Variants in ZNF277 observed in about 807,000 individuals in gnomAD.
ZNF277 encodes zinc finger protein 277, also known as nuclear receptor-interacting factor 4.
Under a neutral mutation model 60.7 loss-of-function variants are expected in ZNF277, and 55 were observed. The observed-to-expected ratio is 0.91, with a 90% CI of 0.73 to 1.13. ZNF277 has a LOEUF of 1.13. ZNF277 is among the 50% of genes most tolerant of loss of function. The pLI, the probability that ZNF277 is intolerant of heterozygous loss-of-function variation, is 0.00. For synonymous variants in ZNF277, 178 were observed against 179.3 expected (o/e 0.99, Z 0.06); for missense variants, 510 against 523.0 (o/e 0.98, Z 0.24).
At chr7:112,306,479 T>G (rs1792596531) in intron 4 of ZNF277, among the ~76,000 whole-genome samples, 2 of 152,094 alleles carry the variant, frequency 1.3e-5, no homozygotes, top group Non-Finnish European at 1.5e-5. Flanking sequence ...CCTCCCAAAG[T>G]GTTGGGATTA....
chr7:112,230,042 G>C (rs566207508), intron 1 of ZNF277, among the ~76,000 whole-genome samples: 189 of 152,238 alleles, frequency 1.2e-3, no homozygotes, highest in Non-Finnish European at 2.2e-3. Context: ...GGACCTTGTG[G>C]GCCATGCGAA....
chr7:112,228,536 T>C (rs1318544871), intron 1 of ZNF277, among the ~76,000 whole-genome samples: 1 of 140,138 alleles, frequency 7.1e-6, no homozygotes, highest in Non-Finnish European at 1.5e-5. Context: ...TTAGGCCTTA[T>C]ACATTGACCT....
At position 112,329,988 on chromosome 7, in the gene ZNF277, C is replaced by A. The variant is rs190933223; in HGVS notation, c.669-96C>A. ...TATCCCATTTGAAGATGCTGTGTAA[C>A]CTAAAATGAATAAATATGAAACTCA... On this transcript the variant is annotated intron_variant, in intron 6 of 11. Transcript: ENST00000361822. 425 of 1,387,462 alleles carry A rather than the reference C, an allele frequency of 3.1e-4. 2 individuals are homozygous for A. The African/African-American group carries it at 5.2e-3, about 17-fold the overall frequency. 85.9% of individuals were successfully genotyped at this position (1,387,462 alleles called of 1,614,324 possible).
intron 1 of ZNF277, among the ~76,000 whole-genome samples, chr7:112,212,381 G>A (rs1158956232): frequency 2.0e-5 from 3 of 152,094 alleles, no homozygotes; most frequent in East Asian, 1.9e-4. Flanking sequence ...TTGACAAAAC[G>A]GTATTTAAAT....
At chr7:112,306,602 T>C (rs1228367420) in intron 4 of ZNF277, among the ~76,000 whole-genome samples, 1 of 152,114 alleles carries the variant, frequency 6.6e-6, no homozygotes, top group Non-Finnish European at 1.5e-5. Context: ...AGATCTTTAC[T>C]GGTCCCTAAA....
At chr7:112,331,066 C>T (rs969252219) in intron 7 of ZNF277, among the ~76,000 whole-genome samples, 10 of 152,142 alleles carry the variant, frequency 6.6e-5, no homozygotes, top group Non-Finnish European at 2.9e-5. Context: ...GGAAACCAAA[C>T]CATTTTACTA....
At chr7:112,227,301 A>C (rs1279927974) in intron 1 of ZNF277, among the ~76,000 whole-genome samples, 1 of 152,210 alleles carries the variant, frequency 6.6e-6, no homozygotes, top group Non-Finnish European at 1.5e-5. Context: ...TGTAAAAAGA[A>C]AAACCTTAGA....
chr7:112,264,403 T>C (rs1791500386), intron 1 of ZNF277, among the ~76,000 whole-genome samples: 2 of 152,096 alleles, frequency 1.3e-5, no homozygotes, highest in African/African-American at 2.4e-5. Flanking sequence ...CATTTAAAAA[T>C]GGCAAAAAAT....
In ZNF277 at chr7:112,295,948, G is replaced by A. The variant is rs567027786; in HGVS notation, c.373G>A (p.Ala125Thr). ...FCSVIRINST[A>T]PFEEQENYFL... ...TAGTGTAATAAGAATTAATTCCACT[G>A]CTCCATTTGGTAAGTGTACATCTTG... Residue 125 changes from alanine (A) to threonine (T), a missense_variant, in exon 3 of 12, where the codon GCT becomes ACT. Coordinates refer to ENST00000361822, the MANE Select transcript of ZNF277 (RefSeq NM_021994.3). 1 of 1,609,254 alleles carries A rather than the reference G, an allele frequency of 6.2e-7. No individual in the cohort carries two copies. Among genetic ancestry groups the A allele is most frequent in the African/African-American group, 1.3e-5 (1 of 74,812 alleles).
At chr7:112,311,483 A>C (rs1792731900) in intron 4 of ZNF277, among the ~76,000 whole-genome samples, 1 of 152,158 alleles carries the variant, frequency 6.6e-6, no homozygotes, top group Non-Finnish European at 1.5e-5. Flanking sequence ...TTCCTAGTAT[A>C]TAGCCAAGAA....
At chr7:112,262,117 T>TC (rs928958941) in intron 1 of ZNF277, among the ~76,000 whole-genome samples, 3 of 152,012 alleles carry the variant, frequency 2.0e-5, no homozygotes, top group African/African-American at 7.2e-5. Flanking sequence ...TTTTCACTAC[T>TC]CTCAGCCAGC....
Position 112,254,934 on chromosome 7 carries a change from C to CT in ZNF277, c.92-31938dup, listed in dbSNP as rs1791275145. 2.0e-5 allele frequency among the ~76,000 whole-genome samples: 3 copies of CT among 152,256 alleles called. No homozygotes were observed. In the Middle Eastern group the frequency reaches 0.01, roughly 518 times the overall value. On this transcript the variant is annotated intron_variant, in intron 1 of 11. Transcript: ENST00000361822. ...GCTTCAGTGAGCTGAGATCGCGCCA[C>CT]TGTACTCCAGCCTGGGTGACAGAGC...
chr7:112,268,225 G>C (rs147444354), intron 1 of ZNF277, among the ~76,000 whole-genome samples: 8 of 151,918 alleles, frequency 5.3e-5, no homozygotes, highest in African/African-American at 1.9e-4. Flanking sequence ...GATTTAGGGG[G>C]AAAGTATACC....
intron 1 of ZNF277, among the ~76,000 whole-genome samples, chr7:112,263,484 A>T (rs572938599): frequency 6.6e-6 from 1 of 152,342 alleles, no homozygotes; most frequent in Non-Finnish European, 1.5e-5. Flanking sequence ...AATTCCTAGC[A>T]TGATGCCTAA....
At chr7:112,325,526 T>C (rs1793073424) in intron 5 of ZNF277, among the ~76,000 whole-genome samples, 1 of 152,174 alleles carries the variant, frequency 6.6e-6, no homozygotes, top group African/African-American at 2.4e-5. Flanking sequence ...AACACTCATA[T>C]CTGCTTTGAG....
At chr7:112,235,878 G>C (rs143993290) in intron 1 of ZNF277, among the ~76,000 whole-genome samples, 1,841 of 151,750 alleles carry the variant, frequency 0.012, 48 homozygotes, top group African/African-American at 0.042. Context: ...ATTGACCCCT[G>C]TTTTTGTCCC....
At chr7:112,330,443 CTCA>C in intron 7 of ZNF277, 1 of 490,576 alleles carries the variant, frequency 2.0e-6, no homozygotes, top group Non-Finnish European at 3.6e-6. Context: ...GTCTCTAGAA[CTCA>C]CAGTCATCTT....
chr7:112,286,841 CTTTTTTTTT>C (rs10710470), intron 1 of ZNF277, 23 bp from the exon 2 acceptor site: 65 of 952,476 alleles, frequency 6.8e-5, no homozygotes, highest in East Asian at 9.0e-5. Flanking sequence ...TTCTTTCTTT[CTTTTTTTTT>C]TTTTTTTTTT....
At chr7:112,296,094 G>C in intron 3 of ZNF277, 135 bp from the exon 4 acceptor site, 1 of 1,007,700 alleles carries the variant, frequency 9.9e-7, no homozygotes, top group Non-Finnish European at 1.5e-6. Context: ...TGCCTAACTT[G>C]AATAAAGCTA....
Sources: gnomAD v4.1 joint callset for allele counts (sites outside exome capture counted in the v4.1 genomes callset) on GRCh38, gnomAD v4.1.1 for gene constraint, MANE v1.5 for transcripts, NCBI Gene and HGNC (gene_info 2026-07-23, HGNC 2026-07-21) for gene names.